MYO16: variants seen among roughly 807,000 people sequenced by gnomAD.
MYO16 encodes the protein unconventional myosin-XVI.
Under a neutral mutation model 205.3 loss-of-function variants are expected in MYO16, and 94 were observed. The observed-to-expected ratio is 0.46, with a 90% CI of 0.39 to 0.54. The LOEUF is 0.54. MYO16 is among the 20% of genes least tolerant of loss of function. The probability of loss-of-function intolerance (pLI) is 0.00; values close to 1 mark genes in which losing one functional copy is unlikely to be tolerated. For synonymous variants in MYO16, 988 were observed against 954.0 expected (o/e 1.04, Z -0.66); for missense variants, 2,315 against 2,387.5 (o/e 0.97, Z 0.63).
chr13:108,705,623 A>C (rs1210818480), intron 2 of MYO16, among the ~76,000 whole-genome samples: 1 of 152,180 alleles, frequency 6.6e-6, no homozygotes, highest in African/African-American at 2.4e-5. Context: ...GCATATATAC[A>C]ATTTTGTTCT....
intron 27 of MYO16, among the ~76,000 whole-genome samples, chr13:109,076,184 G>A (rs540036983): frequency 2.0e-5 from 3 of 151,816 alleles, no homozygotes; most frequent in Admixed American, 6.6e-5. Flanking sequence ...TTTATTTATT[G>A]AAAGAAAAAG....
At chr13:108,955,342 A>G (rs1474559652) in intron 16 of MYO16, among the ~76,000 whole-genome samples, 2 of 152,100 alleles carry the variant, frequency 1.3e-5, no homozygotes, top group African/African-American at 4.8e-5. Flanking sequence ...CTATCTCAGC[A>G]GATTCATATT....
chr13:108,810,396 G>A lies in MYO16; in HGVS notation c.867+3592G>A, dbSNP rs558519334. Among the ~76,000 whole-genome samples the A allele has an allele frequency of 3.9e-5, 6 of 152,280 alleles. No homozygotes were observed. The South Asian group carries it at 1.2e-3, about 32-fold the overall frequency. ...TGCAAAACTGGAAATATTGAGTGTA[G>A]ATGAGGCTTTTGTTTCAGAATATAA... is the stretch of plus-strand genomic sequence containing the variant. On this transcript the variant is annotated intron_variant, in intron 7 of 34. Transcript: ENST00000457511.
In MYO16 at chr13:108,641,486, G is replaced by C. The variant is rs567789917; in HGVS notation, c.28+11614G>C. ...AAAAGAGGAAGAGAGTCGTTGAAGTGGGCCAGCAACAAATATAAGATTAAG... is the reference window on the plus strand; with the variant it reads ...AAAAGAGGAAGAGAGTCGTTGAAGTCGGCCAGCAACAAATATAAGATTAAG... On this transcript the variant is annotated intron_variant, in intron 1 of 34. Transcript: ENST00000457511. Among the ~76,000 whole-genome samples, 5 of 152,152 alleles carry C rather than the reference G, an allele frequency of 3.3e-5. No homozygotes were observed. In the South Asian group the frequency reaches 1.0e-3, roughly 32 times the overall value.
chr13:109,069,685 T>G (rs986787800), intron 27 of MYO16, among the ~76,000 whole-genome samples: 6 of 152,094 alleles, frequency 3.9e-5, no homozygotes, highest in African/African-American at 1.4e-4. Context: ...GTGCTAGCTT[T>G]CTCATGTCTC....
chr13:108,866,821 C>T (rs1396774584), intron 12 of MYO16, among the ~76,000 whole-genome samples: 4 of 151,960 alleles, frequency 2.6e-5, no homozygotes, highest in African/African-American at 9.7e-5. Context: ...AGGCTGGTTC[C>T]GCTAATACAG....
intron 12 of MYO16, among the ~76,000 whole-genome samples, chr13:108,869,660 G>A (rs1418481532): frequency 1.3e-5 from 2 of 148,302 alleles, no homozygotes; most frequent in African/African-American, 5.0e-5. Flanking sequence ...GAACCCGGGA[G>A]GCGGAGGTTG....
chr13:109,023,687 ATATATATG>A (rs772692124), intron 23 of MYO16, among the ~76,000 whole-genome samples: 5,506 of 120,944 alleles, frequency 0.046, 180 homozygotes, highest in Non-Finnish European at 0.068. Context: ...GTATATATAC[ATATATATG>A]TATATATGTA....
At chr13:109,051,495 G>A (rs1594503783) in intron 24 of MYO16, among the ~76,000 whole-genome samples, 1 of 152,034 alleles carries the variant, frequency 6.6e-6, no homozygotes, top group African/African-American at 2.4e-5. Flanking sequence ...TTATAGGAAA[G>A]GACACTTAGG....
intron 2 of MYO16, among the ~76,000 whole-genome samples, chr13:108,673,433 CT>C (rs1285045977): frequency 2.0e-5 from 3 of 151,516 alleles, no homozygotes; most frequent in Non-Finnish European, 2.9e-5. Context: ...TACTAAGGGC[CT>C]GTTTCAGTCC....
At chr13:108,605,406 C>G (rs1878916736) in intron 1 of MYO16, among the ~76,000 whole-genome samples, 1 of 152,118 alleles carries the variant, frequency 6.6e-6, no homozygotes, top group African/African-American at 2.4e-5. Context: ...CTCTGTGTCC[C>G]CACCCAAATC....
chr13:108,567,583 T>G, the MYO16 span, among the ~76,000 whole-genome samples: 4 of 152,210 alleles, frequency 2.6e-5, no homozygotes, highest in East Asian at 7.7e-4. Context: ...CTTTGCTTTG[T>G]GTAATGAAAT....
intron 4 of MYO16, among the ~76,000 whole-genome samples, chr13:108,749,828 A>G (rs1885174848): frequency 6.6e-6 from 1 of 152,212 alleles, no homozygotes; most frequent in South Asian, 2.1e-4. Flanking sequence ...CTATACTCAA[A>G]TATTTATAGC....
the MYO16 span, among the ~76,000 whole-genome samples, chr13:108,523,847 A>T: frequency 5.9e-5 from 9 of 152,176 alleles, no homozygotes; most frequent in South Asian, 8.3e-4. Context: ...TCCCCACCCA[A>T]ATCTCACATT....
chr13:109,018,176 T>G (rs947945317), intron 22 of MYO16, among the ~76,000 whole-genome samples: 1 of 152,220 alleles, frequency 6.6e-6, no homozygotes, highest in Admixed American at 6.5e-5. Context: ...TTGTTGATGT[T>G]GATACAGTTA....
At chr13:108,982,349 T>G (rs1281852384) in intron 20 of MYO16, among the ~76,000 whole-genome samples, 2 of 152,244 alleles carry the variant, frequency 1.3e-5, no homozygotes, top group Non-Finnish European at 2.9e-5. Context: ...TATTATCTAC[T>G]TTAACATACA....
chr13:109,188,504 G>C (rs1346941969), intron 34 of MYO16, among the ~76,000 whole-genome samples: 1 of 152,138 alleles, frequency 6.6e-6, no homozygotes, highest in Non-Finnish European at 1.5e-5. Context: ...GATATGGTTA[G>C]ATTTAGGTAT....
intron 12 of MYO16, among the ~76,000 whole-genome samples, chr13:108,872,986 G>A (rs1879138694): frequency 6.6e-6 from 1 of 152,154 alleles, no homozygotes; most frequent in South Asian, 2.1e-4. Flanking sequence ...TTGCTGCAAG[G>A]ACATACATTT....
chr13:109,016,786 G>A (rs1157148352), intron 22 of MYO16, among the ~76,000 whole-genome samples: 1 of 150,130 alleles, frequency 6.7e-6, no homozygotes, highest in East Asian at 1.9e-4. Flanking sequence ...TGCAAATGCT[G>A]CTTTTTTTGT....
Sources: allele counts gnomAD v4.1 joint callset (sites outside exome capture counted in the v4.1 genomes callset), GRCh38; gene constraint gnomAD v4.1.1; transcripts MANE v1.5; gene names NCBI Gene and HGNC (gene_info 2026-07-23, HGNC 2026-07-21).